The following UBTD1 variants were observed in gnomAD, a reference collection of about 807,000 sequenced individuals.
UBTD1 encodes the protein ubiquitin domain-containing protein 1.
A neutral mutation model predicts 21.7 loss-of-function variants in UBTD1; 19 were observed. That is an observed-to-expected ratio of 0.87 (90% CI 0.61 to 1.28). The LOEUF (loss-of-function observed/expected upper bound fraction) is 1.28, where lower values mean the gene tolerates loss of function less well. UBTD1 is among the 50% of genes most tolerant of loss of function. UBTD1 has a pLI of 0.00. For synonymous variants in UBTD1, 116 were observed against 135.1 expected (o/e 0.86, Z 0.98); for missense variants, 282 against 315.1 (o/e 0.89, Z 0.80).
chr10:97,542,492 G>C (rs557632900), intron 1 of UBTD1, among the ~76,000 whole-genome samples: 269 of 152,322 alleles, frequency 1.8e-3, no homozygotes, highest in Non-Finnish European at 1.6e-3. Context: ...TCTATCTGGA[G>C]GGCCCTGGCT....
At chr10:97,507,232 A>G (rs1216388550) in intron 1 of UBTD1, among the ~76,000 whole-genome samples, 3 of 152,172 alleles carry the variant, frequency 2.0e-5, no homozygotes, top group African/African-American at 7.2e-5. Context: ...TGGTTTTATA[A>G]TAGCCATCCT....
At chr10:97,563,164 A>G (rs1441237310) in intron 1 of UBTD1, among the ~76,000 whole-genome samples, 1 of 152,182 alleles carries the variant, frequency 6.6e-6, no homozygotes, top group Non-Finnish European at 1.5e-5. Flanking sequence ...AAGAAGGAGA[A>G]AAACAGGTAT....
At chr10:97,542,231 C>T (rs535085207) in intron 1 of UBTD1, among the ~76,000 whole-genome samples, 18 of 152,340 alleles carry the variant, frequency 1.2e-4, no homozygotes, top group African/African-American at 4.3e-4. Context: ...GCGTCCTCTA[C>T]AGCCAGAGGG....
chr10:97,514,930 C>CAA (rs1337845163), intron 1 of UBTD1, among the ~76,000 whole-genome samples: 16 of 152,160 alleles, frequency 1.1e-4, no homozygotes, highest in African/African-American at 3.9e-4. Context: ...CAAGCTGATC[C>CAA]TCTGAGGTTT....
chr10:97,527,816 T>C (rs1207969904), intron 1 of UBTD1, among the ~76,000 whole-genome samples: 1 of 152,146 alleles, frequency 6.6e-6, no homozygotes, highest in Admixed American at 6.5e-5. Context: ...TTTTTCTTAG[T>C]ACAGAACAAA....
chr10:97,531,051 C>T (rs1440642016), intron 1 of UBTD1, among the ~76,000 whole-genome samples: 1 of 151,804 alleles, frequency 6.6e-6, no homozygotes, highest in African/African-American at 2.4e-5. Flanking sequence ...CCACGCCCAA[C>T]TAATTTTTTG....
At chr10:97,555,906 A>G (rs910112803) in intron 1 of UBTD1, among the ~76,000 whole-genome samples, 12 of 152,308 alleles carry the variant, frequency 7.9e-5, no homozygotes, top group Non-Finnish European at 1.0e-4. Flanking sequence ...GTATAAAACC[A>G]TATAAAACAA....
chr10:97,539,034 G>A (rs981094715), intron 1 of UBTD1, among the ~76,000 whole-genome samples: 1 of 152,198 alleles, frequency 6.6e-6, no homozygotes, highest in Non-Finnish European at 1.5e-5. Context: ...TGCTTGTGTT[G>A]CCCTGGGCCT....
At chr10:97,500,295 T>A (rs1212742885) in intron 1 of UBTD1, among the ~76,000 whole-genome samples, 4 of 152,218 alleles carry the variant, frequency 2.6e-5, no homozygotes, top group Admixed American at 2.0e-4. Flanking sequence ...GAAACTCTAG[T>A]TGGAGTTTCC....
chr10:97,569,947 T>C (rs1342920656), intron 2 of UBTD1, among the ~76,000 whole-genome samples, 191 bp from the exon 3 acceptor site: 1 of 151,700 alleles, frequency 6.6e-6, no homozygotes, highest in Non-Finnish European at 1.5e-5. Context: ...ATTTTTCCCA[T>C]CAAGGGGTCA....
chr10:97,555,534 G>A (rs2040659920), intron 1 of UBTD1, among the ~76,000 whole-genome samples: 1 of 152,132 alleles, frequency 6.6e-6, no homozygotes, highest in African/African-American at 2.4e-5. Flanking sequence ...TATTCAGCTG[G>A]GAGCATCGGC....
intron 1 of UBTD1, among the ~76,000 whole-genome samples, chr10:97,555,271 G>A (rs2040658686): frequency 6.6e-6 from 1 of 152,180 alleles, no homozygotes; most frequent in African/African-American, 2.4e-5. Context: ...ATGAAATGGA[G>A]CAACTTCCTT....
At chr10:97,548,468 C>T (rs1320338496) in intron 1 of UBTD1, among the ~76,000 whole-genome samples, 1 of 152,166 alleles carries the variant, frequency 6.6e-6, no homozygotes, top group Non-Finnish European at 1.5e-5. Context: ...CCAAAGCAGC[C>T]TCAGAAAACA....
At chr10:97,513,832 C>CT (rs2040432209) in intron 1 of UBTD1, among the ~76,000 whole-genome samples, 1 of 152,038 alleles carries the variant, frequency 6.6e-6, no homozygotes, top group African/African-American at 2.4e-5. Flanking sequence ...CCCATCCCAC[C>CT]TCCTGAGTAC....
chr10:97,567,994 C>G lies in UBTD1; in HGVS notation c.151C>G (p.Arg51Gly). 1 of 1,614,128 alleles carries G rather than the reference C, an allele frequency of 6.2e-7. No individual in the cohort carries two copies. Among genetic ancestry groups the G allele is most frequent in the Non-Finnish European group, 8.5e-7 (1 of 1,180,038 alleles). ...GACTGACGGGCAGCTGCGGAGCAAA[C>G]GGGATGAGTTCTGGGACACAGCGCC... is the stretch of plus-strand genomic sequence containing the variant. Reference protein sequence around the residue: ...PMTDGQLRSKRDEFWDTAPAF... With the variant: ...PMTDGQLRSKGDEFWDTAPAF... The change falls in exon 2 of 3, where the codon CGG becomes GGG. Residue 51 changes from arginine to glycine, a missense_variant. Coordinates refer to ENST00000370664, the MANE Select transcript of UBTD1 (RefSeq NM_024954.5).
intron 1 of UBTD1, among the ~76,000 whole-genome samples, chr10:97,542,250 A>G (rs970374508): frequency 6.6e-6 from 1 of 152,238 alleles, no homozygotes; most frequent in Middle Eastern, 3.4e-3. Flanking sequence ...GGATGGAGGG[A>G]TGGGCTTTAC....
intron 1 of UBTD1, among the ~76,000 whole-genome samples, chr10:97,518,792 A>G (rs1312286653): frequency 6.6e-6 from 1 of 152,244 alleles, no homozygotes; most frequent in African/African-American, 2.4e-5. Context: ...CTCTCGGGAA[A>G]CAAGGAGAGA....
At chr10:97,503,752 C>T (rs1313987749) in intron 1 of UBTD1, among the ~76,000 whole-genome samples, 2 of 152,158 alleles carry the variant, frequency 1.3e-5, no homozygotes, top group Non-Finnish European at 2.9e-5. Flanking sequence ...TGGTCCTTGG[C>T]CACATGGAGC....
intron 1 of UBTD1, among the ~76,000 whole-genome samples, chr10:97,517,521 A>G (rs1228832187): frequency 6.6e-6 from 1 of 152,150 alleles, no homozygotes; most frequent in Non-Finnish European, 1.5e-5. Flanking sequence ...GGTGTGGGGA[A>G]GGGCTGAGGT....
Sources: allele counts gnomAD v4.1 joint callset (sites outside exome capture counted in the v4.1 genomes callset), GRCh38; gene constraint gnomAD v4.1.1; transcripts MANE v1.5; gene names NCBI Gene and HGNC (gene_info 2026-07-23, HGNC 2026-07-21).